The following BBS9 variants were observed in gnomAD, a reference collection of about 807,000 sequenced individuals.
BBS9 encodes protein PTHB1.
A neutral mutation model predicts 117.7 loss-of-function variants in BBS9; 89 were observed. The observed-to-expected ratio is 0.76, with a 90% CI of 0.64 to 0.90. The LOEUF (loss-of-function observed/expected upper bound fraction) is 0.90, where lower values mean the gene tolerates loss of function less well. Among genes scored for constraint, BBS9 ranks in the 40% least tolerant of loss-of-function variants. The pLI is 0.00. For synonymous variants in BBS9, 379 were observed against 370.9 expected, an observed-to-expected ratio of 1.02 and a Z score of -0.25; for missense variants, 982 against 1,042.2, an observed-to-expected ratio of 0.94 and a Z score of 0.80.
chr7:33,239,085 T>C (rs1366307483), intron 5 of BBS9, among the ~76,000 whole-genome samples: 2 of 152,172 alleles, frequency 1.3e-5, no homozygotes, highest in East Asian at 1.9e-4. Flanking sequence ...TTAATTTATG[T>C]TTTCATTAGC....
At chr7:33,219,749 A>G (rs548580318) in intron 5 of BBS9, among the ~76,000 whole-genome samples, 1 of 152,148 alleles carries the variant, frequency 6.6e-6, no homozygotes, top group Non-Finnish European at 1.5e-5. Context: ...CTACCAATCA[A>G]TAGGATGTGG....
chr7:33,271,409 C>T (rs1195505972), intron 7 of BBS9, among the ~76,000 whole-genome samples: 1 of 152,146 alleles, frequency 6.6e-6, no homozygotes, highest in African/African-American at 2.4e-5. Flanking sequence ...CCATTTAAAA[C>T]ACACAGAGTG....
At position 33,349,078 on chromosome 7, in the gene BBS9, A is replaced by T; in HGVS notation, c.1340A>T (p.Gln447Leu). 2 of 1,603,884 alleles carry T rather than the reference A, an allele frequency of 1.2e-6. No individual in the cohort carries two copies. The highest frequency in any genetic ancestry group is 1.7e-6 in the Non-Finnish European group (2 of 1,170,898). ...VPSVTVKVTL[Q>L]NRVILQKAKL... ...TTTCTGTTTCCTTAGGTCACACTGC[A>T]GAACAGAGTGATATTGCAAAAAGCC... is the stretch of plus-strand genomic sequence containing the variant. The change falls in exon 13 of 23, where the codon CAG becomes CTG. Residue 447 changes from glutamine (Q) to leucine (L), a missense_variant. Coordinates refer to ENST00000242067, the MANE Select transcript of BBS9 (RefSeq NM_198428.3).
At chr7:33,613,569 G>A (rs1864984711) in intron 21 of BBS9, among the ~76,000 whole-genome samples, 1 of 151,910 alleles carries the variant, frequency 6.6e-6, no homozygotes, top group African/African-American at 2.4e-5. Flanking sequence ...CCCATTTAGT[G>A]TAGTGCCACA....
At chr7:33,212,317 T>G (rs1410350182) in intron 5 of BBS9, among the ~76,000 whole-genome samples, 1 of 152,224 alleles carries the variant, frequency 6.6e-6, no homozygotes, top group Non-Finnish European at 1.5e-5. Flanking sequence ...CACTAATTCT[T>G]TCTTCTGTTT....
intron 21 of BBS9, among the ~76,000 whole-genome samples, chr7:33,601,470 T>A (rs1256786350): frequency 1.3e-5 from 2 of 152,168 alleles, no homozygotes. Context: ...AGTTTTATAT[T>A]TTATCTATAT....
At chr7:33,366,737 G>C (rs11981858) in intron 16 of BBS9, among the ~76,000 whole-genome samples, 28,070 of 151,432 alleles carry the variant, frequency 0.19, 2,851 homozygotes, top group Non-Finnish European at 0.22. Context: ...GTAGAGATGG[G>C]GTTTCACTGT....
intron 21 of BBS9, among the ~76,000 whole-genome samples, chr7:33,614,078 C>G (rs1865015452): frequency 6.6e-6 from 1 of 151,982 alleles, no homozygotes; most frequent in African/African-American, 2.4e-5. Flanking sequence ...AACAGAAATC[C>G]TGAGAGGTCA....
chr7:33,439,547 T>TG (rs397730274), intron 19 of BBS9, among the ~76,000 whole-genome samples: 9 of 149,078 alleles, frequency 6.0e-5, no homozygotes, highest in Admixed American at 2.0e-4. Context: ...TTTTTTTTTT[T>TG]GGGATGGAGC....
intron 5 of BBS9, chr7:33,177,796 C>A: frequency 3.5e-6 from 2 of 570,098 alleles, no homozygotes; most frequent in Non-Finnish European, 6.3e-6. Context: ...GGAAGCTAAT[C>A]AGGGTCAGGC....
At chr7:33,347,400 C>G (rs1245003863) in intron 12 of BBS9, among the ~76,000 whole-genome samples, 1 of 151,948 alleles carries the variant, frequency 6.6e-6, no homozygotes, top group Non-Finnish European at 1.5e-5. Context: ...ATGGTGTCTT[C>G]CTGCCATAAT....
At chr7:33,547,614 A>G (rs928511888) in intron 21 of BBS9, among the ~76,000 whole-genome samples, 11 of 152,196 alleles carry the variant, frequency 7.2e-5, no homozygotes, top group Admixed American at 7.2e-4. Flanking sequence ...TTTTTGACAG[A>G]GCGAGAGGGG....
At chr7:33,524,700 G>GA (rs1443220162) in intron 20 of BBS9, among the ~76,000 whole-genome samples, 1 of 152,114 alleles carries the variant, frequency 6.6e-6, no homozygotes, top group Non-Finnish European at 1.5e-5. Context: ...CAAAAAACCA[G>GA]CTCCTGGATT....
rs138658353 is a variant in BBS9, at chr7:33,193,755, G to T, written c.442+16164G>T. ...ACCCTCTCTTTTGTGATTTTGCTAA[G>T]CATCTTGAATTACTGTCACACTACC... On this transcript the variant is annotated intron_variant, in intron 5 of 22. Coordinates refer to ENST00000242067, the MANE Select transcript of BBS9 (RefSeq NM_198428.3). Among the ~76,000 whole-genome samples the T allele has an allele frequency of 2.4e-4, 36 of 152,254 alleles. 1 individual carries two copies. Among genetic ancestry groups the T allele is most frequent in the African/African-American group, 8.4e-4 (35 of 41,550 alleles).
intron 21 of BBS9, among the ~76,000 whole-genome samples, chr7:33,562,359 T>C (rs545773991): frequency 8.3e-4 from 127 of 152,330 alleles, no homozygotes; most frequent in Non-Finnish European, 5.0e-4. Context: ...GTCTGTAACC[T>C]AGGACTATTC....
intron 20 of BBS9, among the ~76,000 whole-genome samples, chr7:33,528,963 GGTATTTAGGCCTATTGACCA>G (rs1481363692): frequency 6.6e-6 from 1 of 152,200 alleles, no homozygotes; most frequent in Non-Finnish European, 1.5e-5. Context: ...TGCTTGATCT[GGTATTTAGGCCTATTGACCA>G]GTGGAGACTA....
intron 21 of BBS9, among the ~76,000 whole-genome samples, chr7:33,553,027 G>C (rs1466889420): frequency 6.6e-6 from 1 of 152,052 alleles, no homozygotes; most frequent in Non-Finnish European, 1.5e-5. Context: ...TGCATATGCT[G>C]TTCACTTTGC....
At chr7:33,199,395 C>A (rs17170110) in intron 5 of BBS9, among the ~76,000 whole-genome samples, 1 of 151,832 alleles carries the variant, frequency 6.6e-6, no homozygotes, top group African/African-American at 2.4e-5. Context: ...CTGTAAATTT[C>A]CCCCAGTTTC....
At chr7:33,465,481 C>A (rs1323405137) in intron 19 of BBS9, among the ~76,000 whole-genome samples, 1 of 152,032 alleles carries the variant, frequency 6.6e-6, no homozygotes, top group African/African-American at 2.4e-5. Context: ...CCTTCTTTGG[C>A]AGTTTCTTAT....
Sources: allele counts gnomAD v4.1 joint callset (sites outside exome capture counted in the v4.1 genomes callset), GRCh38; gene constraint gnomAD v4.1.1; transcripts MANE v1.5; gene names NCBI Gene and HGNC (gene_info 2026-07-23, HGNC 2026-07-21).